The following B3GALT1 variants were observed in gnomAD, a reference collection of about 807,000 sequenced individuals.
B3GALT1 encodes the protein UDP-Gal:betaGlcNAc beta 1,3-galactosyltransferase, polypeptide 1.
B3GALT1 carries 10 observed loss-of-function variants against 23.2 expected under a neutral mutation model. The observed-to-expected ratio is 0.43, with a 90% CI of 0.27 to 0.73. The LOEUF is 0.73. Ranked by LOEUF, B3GALT1 falls within the 30% of genes least tolerant of loss-of-function variation. The pLI is 0.21. For synonymous variants in B3GALT1, 156 were observed against 141.5 expected (o/e 1.10, Z -0.73); for missense variants, 299 against 405.4 (o/e 0.74, Z 2.25).
intron 2 of B3GALT1, among the ~76,000 whole-genome samples, chr2:167,579,855 T>A (rs1330872389): frequency 6.6e-6 from 1 of 152,158 alleles, no homozygotes; most frequent in African/African-American, 2.4e-5. Flanking sequence ...CACAGTCAGT[T>A]GTTAAAAATC....
At chr2:167,844,146 G>A (rs1254867252) in intron 4 of B3GALT1, among the ~76,000 whole-genome samples, 1 of 152,306 alleles carries the variant, frequency 6.6e-6, no homozygotes, top group African/African-American at 2.4e-5. Context: ...TGTTGATGAT[G>A]CTTGCTAAGT....
Position 167,870,683 on chromosome 2 carries a change from T to G in B3GALT1, c.*663T>G, listed in dbSNP as rs1267643239. On this transcript the variant is annotated 3_prime_UTR_variant, in exon 5 of 5. Coordinates refer to ENST00000392690, the MANE Select transcript of B3GALT1 (RefSeq NM_020981.4). ...GGTGGAATGTGTATAAAATGCTACT[T>G]AACAAAGTAAACAAAAGATTTTTTT... 6.0e-6 allele frequency: 1 copy of G among 167,048 alleles called. No individual in the cohort carries two copies. Among genetic ancestry groups the G allele is most frequent in the Non-Finnish European group, 1.5e-5 (1 of 68,106 alleles). 10.3% of individuals were successfully genotyped at this position (167,048 alleles called of 1,614,324 possible). A position where few individuals can be genotyped will look rare whatever the true frequency, so the allele number is the denominator to read the frequency against.
intron 2 of B3GALT1, among the ~76,000 whole-genome samples, chr2:167,554,769 C>T (rs952573975): frequency 6.6e-6 from 1 of 152,066 alleles, no homozygotes; most frequent in Admixed American, 6.6e-5. Context: ...ATTGCTAGTC[C>T]AATTAAGCAA....
chr2:167,789,860 G>A (rs1199998379), intron 3 of B3GALT1, among the ~76,000 whole-genome samples: 6 of 151,974 alleles, frequency 3.9e-5, no homozygotes, highest in East Asian at 3.9e-4. Flanking sequence ...TTATAGACAC[G>A]GGCCCCTTGG....
chr2:167,667,646 A>G (rs956480594), intron 3 of B3GALT1, among the ~76,000 whole-genome samples: 1 of 152,038 alleles, frequency 6.6e-6, no homozygotes, highest in Non-Finnish European at 1.5e-5. Flanking sequence ...GGCTTTGTTC[A>G]TTTCTTTTTA....
intron 1 of B3GALT1, among the ~76,000 whole-genome samples, chr2:167,411,084 CA>C (rs879921907): frequency 1.1e-3 from 156 of 139,356 alleles, no homozygotes; most frequent in African/African-American, 2.5e-3. Context: ...ACAAGTGTTA[CA>C]AAAAAAAAAA....
chr2:167,787,642 T>C lies in B3GALT1; in HGVS notation c.-351-31030T>C, dbSNP rs557859201. 4.6e-5 allele frequency among the ~76,000 whole-genome samples: 7 copies of C among 152,310 alleles called. No homozygotes were observed. The East Asian group carries it at 1.4e-3, about 29-fold the overall frequency. ...TTCCCCATCCATTCTGGACATGCCA[T>C]GGTAGAGCAGACTTAGTTCTATGAC... On this transcript the variant is annotated intron_variant, in intron 3 of 4. Transcript: ENST00000392690.
chr2:167,357,289 T>C (rs1187436171), intron 1 of B3GALT1, among the ~76,000 whole-genome samples: 1 of 152,022 alleles, frequency 6.6e-6, no homozygotes, highest in African/African-American at 2.4e-5. Context: ...GTAGAATTGG[T>C]TCAGAATGTG....
At chr2:167,400,190 G>GTGTGTGTC (rs1303294088) in intron 1 of B3GALT1, among the ~76,000 whole-genome samples, 2 of 150,982 alleles carry the variant, frequency 1.3e-5, no homozygotes, top group East Asian at 3.9e-4. Flanking sequence ...GTGTGTGTGT[G>GTGTGTGTC]TGTCTGTGTG....
intron 1 of B3GALT1, among the ~76,000 whole-genome samples, chr2:167,430,120 C>G (rs1404457358): frequency 6.6e-6 from 1 of 152,138 alleles, no homozygotes; most frequent in African/African-American, 2.4e-5. Context: ...GGTCAGTGGT[C>G]TCAGTTTTAA....
intron 1 of B3GALT1, among the ~76,000 whole-genome samples, chr2:167,315,887 A>G (rs943788625): frequency 1.3e-5 from 2 of 152,034 alleles, no homozygotes; most frequent in African/African-American, 4.8e-5. Flanking sequence ...TACCCATTAT[A>G]TTATATTTCA....
intron 3 of B3GALT1, among the ~76,000 whole-genome samples, chr2:167,719,916 A>C (rs1382454575): frequency 6.6e-6 from 1 of 151,602 alleles, no homozygotes; most frequent in Admixed American, 6.6e-5. Flanking sequence ...TGGGTGACAG[A>C]GCGAGACCCT....
intron 3 of B3GALT1, among the ~76,000 whole-genome samples, chr2:167,780,758 G>C (rs747361515): frequency 3.9e-5 from 6 of 152,200 alleles, no homozygotes; most frequent in Non-Finnish European, 8.8e-5. Flanking sequence ...TTCACTTAAT[G>C]AAACTTGATT....
intron 3 of B3GALT1, among the ~76,000 whole-genome samples, chr2:167,708,102 C>T (rs1674905495): frequency 6.6e-6 from 1 of 152,206 alleles, no homozygotes; most frequent in Non-Finnish European, 1.5e-5. Flanking sequence ...CACCATCCCA[C>T]ACATGGTGTC....
intron 2 of B3GALT1, among the ~76,000 whole-genome samples, chr2:167,611,351 C>A (rs1248167148): frequency 6.6e-6 from 1 of 151,870 alleles, no homozygotes; most frequent in Non-Finnish European, 1.5e-5. Context: ...ATATTTTATA[C>A]TTGTTAAAAT....
intron 4 of B3GALT1, among the ~76,000 whole-genome samples, chr2:167,868,292 TAGC>T (rs1291558040): frequency 6.6e-6 from 1 of 152,168 alleles, no homozygotes; most frequent in African/African-American, 2.4e-5. Flanking sequence ...GACACAGCAT[TAGC>T]AGAGATTTTC....
intron 1 of B3GALT1, among the ~76,000 whole-genome samples, chr2:167,341,195 C>G (rs999565216): frequency 6.6e-6 from 1 of 152,084 alleles, no homozygotes. Flanking sequence ...CAAAAGTCCT[C>G]AAAACAATTC....
chr2:167,351,056 G>A (rs1467454132), intron 1 of B3GALT1, among the ~76,000 whole-genome samples: 1 of 152,120 alleles, frequency 6.6e-6, no homozygotes. Context: ...ATCATTTGAG[G>A]TCAGGAGTTC....
At chr2:167,809,989 G>A (rs556894891) in intron 3 of B3GALT1, among the ~76,000 whole-genome samples, 387 of 152,268 alleles carry the variant, frequency 2.5e-3, no homozygotes, top group Non-Finnish European at 4.0e-3. Context: ...AATGGCAGGC[G>A]CCCCTCCCCC....
Sources: allele counts gnomAD v4.1 joint callset (sites outside exome capture counted in the v4.1 genomes callset), GRCh38; gene constraint gnomAD v4.1.1; transcripts MANE v1.5; gene names NCBI Gene and HGNC (gene_info 2026-07-23, HGNC 2026-07-21).